The following MDN1 variants were observed in gnomAD, a reference collection of about 807,000 sequenced individuals.
MDN1 encodes the protein midasin.
Under a neutral mutation model 669.2 loss-of-function variants are expected in MDN1, and 266 were observed. The observed-to-expected ratio is 0.40, with a 90% CI of 0.36 to 0.44. The LOEUF (loss-of-function observed/expected upper bound fraction) is 0.44, where lower values mean the gene tolerates loss of function less well. Ranked by LOEUF, MDN1 falls within the 20% of genes least tolerant of loss-of-function variation. The probability of loss-of-function intolerance (pLI) is 1.00; values close to 1 mark genes in which losing one functional copy is unlikely to be tolerated. For synonymous variants in MDN1, 2,385 were observed against 2,457.1 expected, an observed-to-expected ratio of 0.97 and a Z score of 0.87; for missense variants, 5,940 against 6,754.0, an observed-to-expected ratio of 0.88 and a Z score of 4.22.
At chr6:89,723,171 A>C (rs1814962768) in intron 39 of MDN1, 28 bp from the exon 40 acceptor site, 1 of 1,605,026 alleles carries the variant, frequency 6.2e-7, no homozygotes, top group Non-Finnish European at 8.5e-7. Context: ...TGATTGGGAA[A>C]CATGCCCTGC....
chr6:89,767,842 C>G (rs1817874344), intron 15 of MDN1, among the ~76,000 whole-genome samples: 1 of 151,588 alleles, frequency 6.6e-6, no homozygotes, highest in Non-Finnish European at 1.5e-5. Flanking sequence ...GCTCAGGGGA[C>G]CAGCCTGGGC....
intron 90 of MDN1, among the ~76,000 whole-genome samples, chr6:89,657,527 G>A (rs530656072): frequency 6.3e-4 from 96 of 152,324 alleles, no homozygotes; most frequent in Middle Eastern, 3.4e-3. Context: ...ACCTGATGAT[G>A]AGCAAGGAAA....
intron 24 of MDN1, 83 bp downstream of exon 24, chr6:89,750,271 T>A: frequency 7.2e-7 from 1 of 1,384,674 alleles, no homozygotes; most frequent in Non-Finnish European, 9.9e-7. Flanking sequence ...GTGCCTCAAT[T>A]GGAAAGGATG....
chr6:89,648,552 C>G (rs1294100200), intron 97 of MDN1, among the ~76,000 whole-genome samples: 2 of 152,158 alleles, frequency 1.3e-5, no homozygotes, highest in East Asian at 3.8e-4. Context: ...TAGGAATGGT[C>G]TGCTGTAGAC....
chr6:89,644,636 G>C (rs1237135266), intron 101 of MDN1, among the ~76,000 whole-genome samples: 1 of 152,146 alleles, frequency 6.6e-6, no homozygotes, highest in African/African-American at 2.4e-5. Flanking sequence ...GTTAAGTGTG[G>C]CAACACCTAA....
At chr6:89,763,442 A>G (rs981904674) in intron 15 of MDN1, among the ~76,000 whole-genome samples, 1 of 152,106 alleles carries the variant, frequency 6.6e-6, no homozygotes, top group Non-Finnish European at 1.5e-5. Flanking sequence ...CCTTAGCATT[A>G]AATTCCTCTG....
Position 89,734,498 on chromosome 6 carries a change from C to A in MDN1, c.4724-1723G>T, listed in dbSNP as rs151036931. On this transcript the variant is annotated intron_variant, in intron 33 of 101. Transcript: ENST00000369393. Reference sequence around the variant, plus strand: ...CAAAACCCTGTATCTACAAAATACACAAAAATTAGCTGGCCATGGTGGGCA... The same window carrying A: ...CAAAACCCTGTATCTACAAAATACAAAAAAATTAGCTGGCCATGGTGGGCA... Among the ~76,000 whole-genome samples the A allele has an allele frequency of 3.4e-4, 52 of 151,744 alleles. 1 individual carries two copies. The highest frequency in any genetic ancestry group is 9.9e-4 in the African/African-American group (41 of 41,364).
At chr6:89,777,679 T>C (rs570947900) in intron 11 of MDN1, among the ~76,000 whole-genome samples, 2 of 152,274 alleles carry the variant, frequency 1.3e-5, no homozygotes, top group Admixed American at 6.5e-5. Flanking sequence ...ACCACTATCG[T>C]AGAAACTAAA....
At chr6:89,746,644 A>G (rs963905548) in intron 27 of MDN1, among the ~76,000 whole-genome samples, 7 of 147,482 alleles carry the variant, frequency 4.7e-5, no homozygotes, top group Non-Finnish European at 1.0e-4. Context: ...AGAAAGAAAG[A>G]AAGAAAAAAA....
At position 89,658,299 on chromosome 6, in the gene MDN1, G is replaced by A; in HGVS notation, c.15093C>T (p.Ala5031=). ...VPEALERKEH[A]SCGQTGVENM... The stretch of plus-strand genomic sequence containing the variant: ...TCTCCACACCAGTCTGCCCACAGGA[G>A]GCATGCTCCTTCCTCTCCAAAGCCT... Residue 5031 remains alanine, a synonymous_variant, in exon 90 of 102, where the codon GCC becomes GCT. Coordinates refer to ENST00000369393, the MANE Select transcript of MDN1 (RefSeq NM_014611.3). The A allele has an allele frequency of 6.2e-7, 1 of 1,614,140 alleles. No individual in the cohort carries two copies. Among genetic ancestry groups the A allele is most frequent in the Non-Finnish European group, 8.5e-7 (1 of 1,180,010 alleles).
At chr6:89,748,038 GTAA>G (rs1359543357) in intron 26 of MDN1, among the ~76,000 whole-genome samples, 1 of 151,118 alleles carries the variant, frequency 6.6e-6, no homozygotes, top group African/African-American at 2.4e-5. Context: ...ATGATTAATA[GTAA>G]TGCAAATGGG....
chr6:89,731,909 A>G (rs1417964960), intron 34 of MDN1, among the ~76,000 whole-genome samples: 1 of 151,348 alleles, frequency 6.6e-6, no homozygotes, highest in Non-Finnish European at 1.5e-5. Context: ...CCTTATTTAA[A>G]AAAAAAAAAC....
At position 89,710,803 on chromosome 6, in the gene MDN1, G is replaced by A. The variant is rs766409076; in HGVS notation, c.7652-9C>T. 5.2e-6 allele frequency: 8 copies of A among 1,536,216 alleles called. No homozygotes were observed. The stretch of plus-strand genomic sequence containing the variant: ...ATGAATTTGTATGGACTCTGTGGAG[G>A]AAGGAGAAACCAGTGTTAGACTCTA... On this transcript the variant is annotated splice_polypyrimidine_tract_variant and intron_variant, in intron 49 of 101. Coordinates refer to ENST00000369393, the MANE Select transcript of MDN1 (RefSeq NM_014611.3).
intron 33 of MDN1, among the ~76,000 whole-genome samples, chr6:89,735,679 G>C (rs566453817): frequency 3.0e-4 from 46 of 152,172 alleles, no homozygotes; most frequent in Middle Eastern, 3.4e-3. Context: ...ATAAATATAA[G>C]TACTACAATT....
At chr6:89,766,006 T>C (rs1384197425) in intron 15 of MDN1, among the ~76,000 whole-genome samples, 1 of 152,138 alleles carries the variant, frequency 6.6e-6, no homozygotes, top group Non-Finnish European at 1.5e-5. Context: ...AAAGAAAACC[T>C]CATTCAGGCC....
rs1206490145 is a variant in MDN1 at position 89,645,119 on chromosome 6, C to A, written c.16498G>T (p.Gly5500Cys). ...CTTTCTTTGCCCTCAAGGAAAAGGCCTCGCCCATCAGAGACTACCAGGAGG... is the reference window on the plus strand; with the variant it reads ...CTTTCTTTGCCCTCAAGGAAAAGGCATCGCCCATCAGAGACTACCAGGAGG... ...QLLLVVSDGR[G>C]LFLEGKERVL... Residue 5500 changes from glycine to cysteine, a missense_variant, in exon 101 of 102, where the codon GGC (glycine) becomes TGC (cysteine). Physicochemically the swap from Gly to Cys is radical, Grantham distance 159. Transcript: ENST00000369393. 1.9e-6 allele frequency: 3 copies of A among 1,611,462 alleles called. No individual in the cohort carries two copies. Among genetic ancestry groups the A allele is most frequent in the Non-Finnish European group, 2.5e-6 (3 of 1,177,876 alleles).
In MDN1 at chr6:89,725,370, C is replaced by T. The variant is rs531974148; in HGVS notation, c.5499G>A (p.Leu1833=). The change falls in exon 38 of 102, where the codon TTG becomes TTA. Residue 1833 remains leucine (L), a synonymous_variant. Coordinates refer to ENST00000369393, the MANE Select transcript of MDN1 (RefSeq NM_014611.3). ...GGTCAAAACAAGCATTGAGTCCTTC[C>T]AATACAGACTGAGAAGCCAGGTTAA... ...DELNLASQSV[L]EGLNACFDHR... The T allele has an allele frequency of 8.7e-6, 14 of 1,613,740 alleles. No homozygotes were observed. The highest frequency in any genetic ancestry group is 6.7e-5 in the African/African-American group (5 of 74,976).
intron 15 of MDN1, among the ~76,000 whole-genome samples, chr6:89,763,550 C>T (rs565997664): frequency 3.3e-5 from 5 of 152,004 alleles, no homozygotes; most frequent in South Asian, 2.1e-4. Context: ...CTTAAACATA[C>T]GATGTCTAAG....
rs758216207 is a variant in MDN1 at position 89,692,637 on chromosome 6, C to G, written c.10393G>C (p.Glu3465Gln). 6.8e-6 allele frequency: 11 copies of G among 1,614,132 alleles called. No homozygotes were observed. Among genetic ancestry groups the G allele is most frequent in the Non-Finnish European group, 9.3e-6 (11 of 1,180,048 alleles). Residue 3465 changes from glutamate to glutamine, a missense_variant, in exon 63 of 102, where the codon GAG (glutamate) becomes CAG (glutamine). Physicochemically the swap from Glu to Gln is conservative, Grantham distance 29. Around this residue, in one of 5 missense-constraint regions of MDN1, gnomAD observed 150 missense variants for 234.2 expected, o/e 0.64. Transcript: ENST00000369393. ...HADTLCSVKS[E>Q]EVLRGLGKLI... Reference sequence around the variant, plus strand: ...TTCCCAAGGCCTCGTAGAACCTCCTCAGACTTCACCGAGCACAAAGTGTCT... The same window carrying G: ...TTCCCAAGGCCTCGTAGAACCTCCTGAGACTTCACCGAGCACAAAGTGTCT...
Sources: gnomAD v4.1 joint callset for allele counts (sites outside exome capture counted in the v4.1 genomes callset) on GRCh38, gnomAD v4.1.1 for gene constraint, gnomAD v4.1.1 regional missense constraint, MANE v1.5 for transcripts, NCBI Gene and HGNC (gene_info 2026-07-23, HGNC 2026-07-21) for gene names.